The following PRKN variants were observed in gnomAD, a reference collection of about 807,000 sequenced individuals.
PRKN encodes parkin RBR E3 ubiquitin protein ligase.
In PRKN, 56 loss-of-function variants were observed where a neutral mutation model predicts 59.5. That is an observed-to-expected ratio of 0.94 (90% CI 0.76 to 1.18). The LOEUF is 1.18. PRKN is among the 50% of genes most tolerant of loss of function. The pLI, the probability that PRKN is intolerant of heterozygous loss-of-function variation, is 0.00. For missense variants in PRKN, 657 were observed against 596.4 expected, an observed-to-expected ratio of 1.10 and a Z score of -1.06; for synonymous variants, 250 against 222.1, an observed-to-expected ratio of 1.13 and a Z score of -1.12.
chr6:162,375,742 T>TACAC (rs60180187), intron 2 of PRKN, among the ~76,000 whole-genome samples: 14,240 of 149,058 alleles, frequency 0.096, 1,108 homozygotes, highest in East Asian at 0.43. Flanking sequence ...TATGGCTTTG[T>TACAC]ACACACACAC....
At chr6:162,314,624 T>C (rs1003879215) in intron 2 of PRKN, among the ~76,000 whole-genome samples, 3 of 152,156 alleles carry the variant, frequency 2.0e-5, no homozygotes, top group Non-Finnish European at 4.4e-5. Flanking sequence ...ACTGTCCTCT[T>C]GTGGTCACAT....
intron 1 of PRKN, among the ~76,000 whole-genome samples, chr6:162,444,738 G>T (rs149590410): frequency 6.6e-6 from 1 of 152,056 alleles, no homozygotes; most frequent in Non-Finnish European, 1.5e-5. Flanking sequence ...GATAGCACAC[G>T]GGTTAAAAGA....
intron 6 of PRKN, among the ~76,000 whole-genome samples, chr6:161,910,444 G>A (rs550782489): frequency 5.3e-5 from 8 of 152,140 alleles, no homozygotes; most frequent in African/African-American, 1.4e-4. Context: ...TAGTAGAGAC[G>A]GGGTTTCACT....
intron 7 of PRKN, among the ~76,000 whole-genome samples, chr6:161,623,832 G>T (rs1339501107): frequency 6.6e-6 from 1 of 152,112 alleles, no homozygotes; most frequent in Non-Finnish European, 1.5e-5. Context: ...ACCTTTTCTT[G>T]CACTGTGCTT....
At chr6:161,927,993 G>A (rs1450145471) in intron 6 of PRKN, among the ~76,000 whole-genome samples, 1 of 152,120 alleles carries the variant, frequency 6.6e-6, no homozygotes, top group Non-Finnish European at 1.5e-5. Flanking sequence ...TTCATATTAG[G>A]AAATACACCT....
chr6:161,555,001 G>A (rs989755090), intron 8 of PRKN, among the ~76,000 whole-genome samples: 3 of 152,038 alleles, frequency 2.0e-5, no homozygotes, highest in African/African-American at 7.2e-5. Context: ...ACTGTGTCAG[G>A]AAAGTTGTAC....
chr6:162,491,681 A>G (rs979569240), intron 1 of PRKN, among the ~76,000 whole-genome samples: 8 of 152,162 alleles, frequency 5.3e-5, no homozygotes, highest in African/African-American at 1.9e-4. Context: ...ACTAGGGAGA[A>G]CCAGTCTTTT....
rs995031374 is a variant in PRKN at position 161,456,479 on chromosome 6, G to T, written c.1084-69602C>A. Among the ~76,000 whole-genome samples, 2 of 152,158 alleles carry T rather than the reference G, an allele frequency of 1.3e-5. No homozygotes were observed. The highest frequency in any genetic ancestry group is 2.9e-5 in the Non-Finnish European group (2 of 68,038). On this transcript the variant is annotated intron_variant, in intron 9 of 11. Coordinates refer to ENST00000366898, the MANE Select transcript of PRKN (RefSeq NM_004562.3). The surrounding 1 kb of genome is among the most constrained non-coding windows in gnomAD (Gnocchi z 4.8). ...CTTTTGAGGTTTTGGGAGTCAGACC[G>T]GCTTCCTTGCTCCTCAGCTTGCAGA...
intron 1 of PRKN, among the ~76,000 whole-genome samples, chr6:162,611,981 C>T (rs941548771): frequency 3.9e-4 from 59 of 151,124 alleles, no homozygotes; most frequent in East Asian, 1.2e-3. Context: ...GTCAGGAGAT[C>T]GAGACCATCC....
rs951790642 is a variant in PRKN, at chr6:161,355,160, C to T, written c.1285+4928G>A. 6.6e-6 allele frequency among the ~76,000 whole-genome samples: 1 copy of T among 152,218 alleles called. No homozygotes were observed. The highest frequency in any genetic ancestry group is 1.5e-5 in the Non-Finnish European group (1 of 68,044). On this transcript the variant is annotated intron_variant, in intron 11 of 11. Coordinates refer to ENST00000366898, the MANE Select transcript of PRKN (RefSeq NM_004562.3). This position sits in a 1 kb window ranked among gnomAD's most constrained non-coding sequence, Gnocchi z 6.8. ...AGCAGGGGCTGCCTCCGCACACCGG[C>T]GCGCGCACACCCGGTGTCTTTGCTC...
rs557391463 is a variant in PRKN, at chr6:161,826,743, C to T, written c.735-40835G>A. Among the ~76,000 whole-genome samples the T allele has an allele frequency of 3.9e-5, 6 of 152,314 alleles. No homozygotes were observed. The East Asian group carries it at 9.6e-4, about 24-fold the overall frequency. On this transcript the variant is annotated intron_variant, in intron 6 of 11. Transcript: ENST00000366898. ...TTCCCAAAGACATTAAATACATTTGCTTGGTATCCTTTCTGACAGCACCAA... is the reference window on the plus strand; with the variant it reads ...TTCCCAAAGACATTAAATACATTTGTTTGGTATCCTTTCTGACAGCACCAA...
At chr6:161,972,080 C>A (rs981810493) in intron 6 of PRKN, among the ~76,000 whole-genome samples, 1 of 152,178 alleles carries the variant, frequency 6.6e-6, no homozygotes, top group East Asian at 1.9e-4. Context: ...TCGAGACCAG[C>A]CTGACCAATA....
chr6:162,327,113 C>A (rs1006223870), intron 2 of PRKN, among the ~76,000 whole-genome samples: 3 of 152,154 alleles, frequency 2.0e-5, no homozygotes, highest in Non-Finnish European at 2.9e-5. Context: ...GAAATACCGC[C>A]CTTCCAATCT....
intron 7 of PRKN, among the ~76,000 whole-genome samples, chr6:161,601,587 T>C (rs891584777): frequency 7.0e-6 from 1 of 143,104 alleles, no homozygotes; most frequent in Non-Finnish European, 1.5e-5. Flanking sequence ...TATAGTGGAT[T>C]TTTTTTTTTT....
chr6:161,819,578 T>C (rs1388036978), intron 6 of PRKN, among the ~76,000 whole-genome samples: 1 of 152,212 alleles, frequency 6.6e-6, no homozygotes, highest in African/African-American at 2.4e-5. Flanking sequence ...CTTGTATCTC[T>C]ATAGGTATTA....
chr6:161,886,008 G>T (rs1413109733), intron 6 of PRKN, among the ~76,000 whole-genome samples: 1 of 152,086 alleles, frequency 6.6e-6, no homozygotes, highest in Non-Finnish European at 1.5e-5. Flanking sequence ...AATGCTCTAG[G>T]TTTAACAAAT....
rs111575999 is a variant in PRKN at position 161,452,096 on chromosome 6, C to T, written c.1084-65219G>A. ...TCAGCCTCCTGAGTAGCTGGGATTA[C>T]AGGCGCACCACCACACCCAGCTAAT... On this transcript the variant is annotated intron_variant, in intron 9 of 11. Coordinates refer to ENST00000366898, the MANE Select transcript of PRKN (RefSeq NM_004562.3). Among the ~76,000 whole-genome samples, 1,138 of 149,566 alleles carry T rather than the reference C, an allele frequency of 7.6e-3. 15 individuals are homozygous for T. The highest frequency in any genetic ancestry group is 0.028 in the African/African-American group (1,097 of 39,750).
chr6:162,082,642 T>G (rs528785380), intron 4 of PRKN, among the ~76,000 whole-genome samples: 13 of 152,156 alleles, frequency 8.5e-5, no homozygotes, highest in Admixed American at 2.6e-4. Flanking sequence ...GCTTTCAACA[T>G]GCCTTCCTCA....
chr6:162,672,804 G>A (rs1054702265), intron 1 of PRKN, among the ~76,000 whole-genome samples: 2 of 151,774 alleles, frequency 1.3e-5, no homozygotes, highest in East Asian at 3.9e-4. Context: ...TTTGTTACAG[G>A]CCTCTTTCTG....
Sources: gnomAD v4.1 joint callset for allele counts (sites outside exome capture counted in the v4.1 genomes callset) on GRCh38, gnomAD v4.1.1 for gene constraint, Gnocchi (gnomAD v3.1) non-coding constraint, MANE v1.5 for transcripts, NCBI Gene and HGNC (gene_info 2026-07-23, HGNC 2026-07-21) for gene names.